Variants in SYNJ1 observed in about 807,000 individuals in gnomAD.
SYNJ1 encodes synaptojanin 1.
SYNJ1 carries 78 observed loss-of-function variants against 168.2 expected under a neutral mutation model. That is an observed-to-expected ratio of 0.46 (90% CI 0.39 to 0.56). The LOEUF (loss-of-function observed/expected upper bound fraction) is 0.56, where lower values mean the gene tolerates loss of function less well. Among genes scored for constraint, SYNJ1 ranks in the 20% least tolerant of loss-of-function variants. SYNJ1 has a pLI of 0.00. For missense variants in SYNJ1, 1,303 were observed against 1,597.6 expected (o/e 0.82, Z 3.14); for synonymous variants, 539 against 548.6 (o/e 0.98, Z 0.24).
rs2040936044 is a variant in SYNJ1, at chr21:32,666,437, T to C, written c.1948A>G (p.Ile650Val). Reference protein sequence around the residue: ...VFIRPQHAPFIRDVAVDTVKT... With the variant: ...VFIRPQHAPFVRDVAVDTVKT... ...AGGAGTGTTCTGTTTACTGACCTGA[T>C]AAAAGGAGCATGCTGTGGTCTGATA... The change falls in exon 16 of 33, where the codon ATC (isoleucine) becomes GTC (valine). Residue 650 changes from isoleucine to valine, a missense_variant. Ile to Val is a conservative substitution (Grantham distance 29). Transcript: ENST00000674351. The C allele has an allele frequency of 6.2e-7, 1 of 1,613,518 alleles. No individual in the cohort carries two copies. Among genetic ancestry groups the C allele is most frequent in the Non-Finnish European group, 8.5e-7 (1 of 1,179,790 alleles).
At position 32,699,732 on chromosome 21, in the gene SYNJ1, G is replaced by A. The variant is rs2042332363; in HGVS notation, c.479+106C>T. The A allele has an allele frequency of 8.7e-6, 12 of 1,381,966 alleles. No homozygotes were observed. The South Asian group carries it at 1.5e-4, about 17-fold the overall frequency. The allele number at this position is 1,381,966 out of a possible 1,614,324, so 85.6% of individuals were successfully genotyped here. A position where few individuals can be genotyped will look rare whatever the true frequency, so the allele number is the denominator to read the frequency against. On this transcript the variant is annotated intron_variant, in intron 4 of 32. Transcript: ENST00000674351. Reference sequence around the variant, plus strand: ...TGAAAAGGGGCATCGAGGGTCTTCAGGGTTCTTCCTCCTTTCTTGCTGTCA... The same window carrying A: ...TGAAAAGGGGCATCGAGGGTCTTCAAGGTTCTTCCTCCTTTCTTGCTGTCA...
rs540251156 is a variant in SYNJ1, at chr21:32,665,945, T to A, written c.2143A>T (p.Met715Leu). 1 of 1,605,310 alleles carries A rather than the reference T, an allele frequency of 6.2e-7. No homozygotes were observed. The highest frequency in any genetic ancestry group is 8.5e-7 in the Non-Finnish European group (1 of 1,175,342). ...AAGAACAAGCAGCAAGAGCTTACCATAGGAAAACTCAATTTTCGTGCTATT... is the reference window on the plus strand; with the variant it reads ...AAGAACAAGCAGCAAGAGCTTACCAAAGGAAAACTCAATTTTCGTGCTATT... ...IEIARKLSFP[M>L]GRMLFSHDYV... is the part of the protein sequence containing the mutation. The change falls in exon 17 of 33, where the codon ATG (methionine) becomes TTG (leucine). Residue 715 changes from methionine to leucine, a missense_variant and splice_region_variant. Physicochemically the swap from Met to Leu is conservative, Grantham distance 15. This residue lies in a region of SYNJ1 where 920 missense variants were observed against 1,208.8 expected (regional missense o/e 0.76). Transcript: ENST00000674351.
At position 32,659,642 on chromosome 21, in the gene SYNJ1, A is replaced by G. The variant is rs189661329; in HGVS notation, c.2305-1770T>C. Among the ~76,000 whole-genome samples the G allele has an allele frequency of 2.0e-5, 3 of 152,212 alleles. No individual in the cohort carries two copies. In the East Asian group the frequency reaches 5.8e-4, roughly 29 times the overall value. On this transcript the variant is annotated intron_variant, in intron 18 of 32. Transcript: ENST00000674351. ...CAGTCACATACCCCCTGCTTGCTCA[A>G]TTGATCATGACCCTATCACGCGGAC...
chr21:32,678,809 G>T lies in SYNJ1; in HGVS notation c.1354-8C>A. On this transcript the variant is annotated splice_polypyrimidine_tract_variant and splice_region_variant and intron_variant, in intron 11 of 32. Transcript: ENST00000674351. Reference sequence around the variant, plus strand: ...GCGAGCACCATCTTTTAACTTTCCAGCCTGTTAAGAAAGGAGCGCAGATTT... The same window carrying T: ...GCGAGCACCATCTTTTAACTTTCCATCCTGTTAAGAAAGGAGCGCAGATTT... 1 of 1,604,952 alleles carries T rather than the reference G, an allele frequency of 6.2e-7. No homozygotes were observed. Among genetic ancestry groups the T allele is most frequent in the African/African-American group, 1.3e-5 (1 of 74,434 alleles).
chr21:32,719,822 C>CTAT (rs2043155676), intron 2 of SYNJ1, among the ~76,000 whole-genome samples: 1 of 150,882 alleles, frequency 6.6e-6, no homozygotes, highest in African/African-American at 2.4e-5. Flanking sequence ...AATAAATGTT[C>CTAT]TATTTTTTCT....
intron 27 of SYNJ1, among the ~76,000 whole-genome samples, chr21:32,643,005 A>C (rs533379967): frequency 6.6e-6 from 1 of 152,214 alleles, no homozygotes; most frequent in South Asian, 2.1e-4. Flanking sequence ...AAAATACTAT[A>C]TTCTTGGATC....
At chr21:32,663,000 A>G (rs1466534019) in intron 18 of SYNJ1, among the ~76,000 whole-genome samples, 1 of 152,198 alleles carries the variant, frequency 6.6e-6, no homozygotes, top group African/African-American at 2.4e-5. Flanking sequence ...CAGTGCTTCA[A>G]ACTTTCTATG....
chr21:32,637,117 TTATC>T (rs2039602124), intron 31 of SYNJ1, among the ~76,000 whole-genome samples: 1 of 152,192 alleles, frequency 6.6e-6, no homozygotes, highest in African/African-American at 2.4e-5. Context: ...TCAGAGTACT[TTATC>T]TACTTTTGTA....
chr21:32,715,074 C>T (rs2042973179), intron 2 of SYNJ1, among the ~76,000 whole-genome samples: 1 of 152,074 alleles, frequency 6.6e-6, no homozygotes, highest in African/African-American at 2.4e-5. Context: ...ACAAGATAGG[C>T]CAAAGATATA....
At chr21:32,639,479 C>T (rs1249197925) in intron 30 of SYNJ1, among the ~76,000 whole-genome samples, 192 bp downstream of exon 30, 3 of 152,124 alleles carry the variant, frequency 2.0e-5, no homozygotes, top group Non-Finnish European at 2.9e-5. Flanking sequence ...ACAGTCTCAA[C>T]CTCCCAGGCT....
chr21:32,711,657 A>G (rs1461990175), intron 2 of SYNJ1, among the ~76,000 whole-genome samples: 4 of 152,242 alleles, frequency 2.6e-5, no homozygotes, highest in Admixed American at 2.6e-4. Context: ...GTCATGTGAC[A>G]TAACTGGCAT....
At chr21:32,643,967 G>T (rs945291627) in intron 26 of SYNJ1, among the ~76,000 whole-genome samples, 2 of 152,294 alleles carry the variant, frequency 1.3e-5, no homozygotes, top group Non-Finnish European at 1.5e-5. Context: ...ACTTACAAAA[G>T]AATTATGAAG....
chr21:32,710,746 G>A (rs1464972636), intron 2 of SYNJ1, among the ~76,000 whole-genome samples: 1 of 152,010 alleles, frequency 6.6e-6, no homozygotes, highest in Non-Finnish European at 1.5e-5. Context: ...CTTTAGAATG[G>A]CCCCATAGCC....
intron 32 of SYNJ1, 132 bp from the exon 33 acceptor site, chr21:32,631,933 A>G (rs2039345052): frequency 5.1e-6 from 4 of 779,962 alleles, no homozygotes; most frequent in Non-Finnish European, 7.8e-6. Context: ...AGCTTTGTGT[A>G]GTTTGTTACT....
intron 2 of SYNJ1, among the ~76,000 whole-genome samples, chr21:32,710,752 T>C (rs1453719201): frequency 5.9e-5 from 9 of 152,168 alleles, no homozygotes; most frequent in Non-Finnish European, 1.2e-4. Context: ...AATGGCCCCA[T>C]AGCCCACACT....
At chr21:32,691,237 TAGTG>T (rs1032116093) in intron 6 of SYNJ1, among the ~76,000 whole-genome samples, 1 of 152,198 alleles carries the variant, frequency 6.6e-6, no homozygotes, top group African/African-American at 2.4e-5. Context: ...GTTCTCATAC[TAGTG>T]AGTGAGTTCT....
intron 2 of SYNJ1, among the ~76,000 whole-genome samples, chr21:32,722,755 T>C (rs913416723): frequency 5.3e-5 from 8 of 151,684 alleles, no homozygotes; most frequent in African/African-American, 1.9e-4. Context: ...CCTCAAGGAG[T>C]GCGGCATCCA....
At chr21:32,676,272 G>T in intron 13 of SYNJ1, 60 bp downstream of exon 13, 1 of 1,357,658 alleles carries the variant, frequency 7.4e-7, no homozygotes, top group South Asian at 1.5e-5. Flanking sequence ...TTACAATATC[G>T]ACTTCAGAAA....
Position 32,646,597 on chromosome 21 carries a change from C to A in SYNJ1, c.3043G>T (p.Val1015Phe). The part of the protein sequence containing the change: ...VAADFDMEGD[V>F]DDYSAEVEEL... ...TCCACTTCAGCACTATAGTCATCAACATCACCTAAGGAAAAGCAGGCTTGA... is the reference window on the plus strand; with the variant it reads ...TCCACTTCAGCACTATAGTCATCAAAATCACCTAAGGAAAAGCAGGCTTGA... Residue 1015 changes from valine to phenylalanine, a missense_variant, in exon 24 of 33, where the codon GTT (valine) becomes TTT (phenylalanine). Coordinates refer to ENST00000674351, the MANE Select transcript of SYNJ1 (RefSeq NM_203446.3). 6.2e-7 allele frequency: 1 copy of A among 1,613,680 alleles called. No homozygotes were observed. The highest frequency in any genetic ancestry group is 8.5e-7 in the Non-Finnish European group (1 of 1,179,656).
Sources: gnomAD v4.1 joint callset for allele counts (sites outside exome capture counted in the v4.1 genomes callset) on GRCh38, gnomAD v4.1.1 for gene constraint, gnomAD v4.1.1 regional missense constraint, MANE v1.5 for transcripts, NCBI Gene and HGNC (gene_info 2026-07-23, HGNC 2026-07-21) for gene names.